Variants in DAAM1 observed in about 807,000 individuals in gnomAD.
DAAM1 encodes dishevelled associated activator of morphogenesis 1, also known as disheveled-associated activator of morphogenesis 1.
DAAM1 carries 52 observed loss-of-function variants against 130.0 expected under a neutral mutation model. That is an observed-to-expected ratio of 0.40 (90% CI 0.32 to 0.50). The LOEUF is 0.50. DAAM1 is among the 20% of genes least tolerant of loss of function. DAAM1 has a pLI of 0.61. For missense variants in DAAM1, 1,134 were observed against 1,303.8 expected (o/e 0.87, Z 2.01); for synonymous variants, 452 against 444.5 (o/e 1.02, Z -0.21).
At chr14:59,329,615 A>G (rs1241852644) in intron 12 of DAAM1, among the ~76,000 whole-genome samples, 2 of 152,200 alleles carry the variant, frequency 1.3e-5, no homozygotes, top group East Asian at 3.8e-4. Context: ...AAGAATAGGA[A>G]TTGGGGACAT....
At chr14:59,206,290 T>A (rs112315098) in intron 1 of DAAM1, among the ~76,000 whole-genome samples, 17 of 152,254 alleles carry the variant, frequency 1.1e-4, no homozygotes, top group Admixed American at 9.8e-4. Flanking sequence ...ATTTTATTTT[T>A]TTTGAGACGG....
At chr14:59,253,940 C>T (rs1238145264) in intron 1 of DAAM1, among the ~76,000 whole-genome samples, 1 of 152,214 alleles carries the variant, frequency 6.6e-6, no homozygotes, top group Non-Finnish European at 1.5e-5. Context: ...TCGCATCTCT[C>T]AAAATTTGCC....
chr14:59,281,390 G>A (rs1566682496), intron 2 of DAAM1, among the ~76,000 whole-genome samples: 2 of 152,132 alleles, frequency 1.3e-5, no homozygotes, highest in African/African-American at 2.4e-5. Flanking sequence ...AAGGCAGGAC[G>A]CTTTGTGCCC....
chr14:59,279,217 C>T (rs1188865898), intron 2 of DAAM1, among the ~76,000 whole-genome samples: 1 of 152,144 alleles, frequency 6.6e-6, no homozygotes, highest in Non-Finnish European at 1.5e-5. Flanking sequence ...TCATCCCTGC[C>T]CTTGCCTCTA....
Position 59,324,976 on chromosome 14 carries a change from C to T in DAAM1, c.989+522C>T, listed in dbSNP as rs117400064. On this transcript the variant is annotated intron_variant, in intron 8 of 24. Coordinates refer to ENST00000360909, the MANE Select transcript of DAAM1 (RefSeq NM_001270520.2). ...TTGCTTTCAGAGCTTTTCTCTACCACGGCTCTCCTCTCCTGTATATTCATA... is the reference window on the plus strand; with the variant it reads ...TTGCTTTCAGAGCTTTTCTCTACCATGGCTCTCCTCTCCTGTATATTCATA... 6.6e-5 allele frequency among the ~76,000 whole-genome samples: 10 copies of T among 152,288 alleles called. No individual in the cohort carries two copies. In the East Asian group the frequency reaches 1.5e-3, roughly 24 times the overall value.
At chr14:59,289,757 A>T (rs1317895409) in intron 2 of DAAM1, among the ~76,000 whole-genome samples, 4 of 44,344 alleles carry the variant, frequency 9.0e-5, no homozygotes, top group Non-Finnish European at 1.8e-4. Context: ...GGACTGGATC[A>T]ACAAAATGTG....
intron 3 of DAAM1, among the ~76,000 whole-genome samples, chr14:59,301,262 A>C (rs1168333989): frequency 2.6e-5 from 4 of 152,196 alleles, no homozygotes; most frequent in African/African-American, 9.6e-5. Context: ...CTCAAGGTTT[A>C]GAAAATGAAA....
intron 1 of DAAM1, among the ~76,000 whole-genome samples, chr14:59,193,567 G>A (rs1887797575): frequency 6.6e-6 from 1 of 152,192 alleles, no homozygotes; most frequent in African/African-American, 2.4e-5. Context: ...CATAGAACAT[G>A]TGTCTAAAAA....
intron 2 of DAAM1, among the ~76,000 whole-genome samples, chr14:59,277,994 A>G (rs1273572846): frequency 1.3e-5 from 2 of 152,142 alleles, no homozygotes; most frequent in Admixed American, 1.3e-4. Flanking sequence ...TTTCCTATAC[A>G]TATATATCTA....
At position 59,345,322 on chromosome 14, in the gene DAAM1, G is replaced by C. The variant is rs776079916; in HGVS notation, c.2076-2217G>C. ...CATCTGAAGAAGTCTGCCAGGACAA[G>C]GGCTGCTGTAACGGCGTAGGGGTTA... On this transcript the variant is annotated intron_variant, in intron 16 of 24. Coordinates refer to ENST00000360909, the MANE Select transcript of DAAM1 (RefSeq NM_001270520.2). 9.9e-5 allele frequency among the ~76,000 whole-genome samples: 15 copies of C among 152,198 alleles called. 1 individual carries two copies. The highest frequency in any genetic ancestry group is 2.1e-4 in the South Asian group (1 of 4,826).
intron 1 of DAAM1, among the ~76,000 whole-genome samples, chr14:59,259,811 G>A (rs950982791): frequency 2.6e-5 from 4 of 152,190 alleles, no homozygotes; most frequent in East Asian, 1.9e-4. Flanking sequence ...TTGGGAGGCC[G>A]AGGCAGGCAG....
intron 1 of DAAM1, among the ~76,000 whole-genome samples, chr14:59,220,345 CTA>C (rs992745058): frequency 6.6e-6 from 1 of 152,090 alleles, no homozygotes; most frequent in Non-Finnish European, 1.5e-5. Context: ...CAAACATGCT[CTA>C]TGTTTGCTGA....
In DAAM1 at chr14:59,340,112, A is replaced by G. The variant is rs752228926; in HGVS notation, c.2007A>G (p.Lys669=). The change falls in exon 16 of 25, where the codon AAA becomes AAG. Residue 669 remains lysine (K), a synonymous_variant. Transcript: ENST00000360909. Reference sequence around the variant, plus strand: ...CCATTGATGACACTCTGAGTTCCAAACTTAAAGTTAAAGAGCTTTCGGTGA... The same window carrying G: ...CCATTGATGACACTCTGAGTTCCAAGCTTAAAGTTAAAGAGCTTTCGGTGA... ...ADAIDDTLSS[K]LKVKELSVID... is the part of the protein sequence containing the mutation. The G allele has an allele frequency of 6.2e-7, 1 of 1,613,736 alleles. No homozygotes were observed. The highest frequency in any genetic ancestry group is 8.5e-7 in the Non-Finnish European group (1 of 1,179,740).
chr14:59,365,227 A>T (rs764717533), intron 23 of DAAM1, among the ~76,000 whole-genome samples: 4 of 152,104 alleles, frequency 2.6e-5, no homozygotes, highest in Admixed American at 1.3e-4. Flanking sequence ...TTTTCTTTAG[A>T]TTTCTAAGAT....
At chr14:59,295,794 A>G (rs1883935659) in intron 3 of DAAM1, among the ~76,000 whole-genome samples, 1 of 152,220 alleles carries the variant, frequency 6.6e-6, no homozygotes, top group African/African-American at 2.4e-5. Flanking sequence ...GAAAAGGGGT[A>G]AACTGGGAAG....
At chr14:59,348,513 C>A (rs969755866) in intron 17 of DAAM1, among the ~76,000 whole-genome samples, 4 of 152,132 alleles carry the variant, frequency 2.6e-5, no homozygotes, top group Non-Finnish European at 4.4e-5. Context: ...CCTTCTGTCT[C>A]ATTGTTTTGG....
At chr14:59,236,245 T>C (rs1049300427) in intron 1 of DAAM1, among the ~76,000 whole-genome samples, 1 of 152,112 alleles carries the variant, frequency 6.6e-6, no homozygotes, top group Non-Finnish European at 1.5e-5. Flanking sequence ...GTAGAATGAC[T>C]AGTTTTCTAT....
intron 9 of DAAM1, 56 bp from the exon 10 acceptor site, chr14:59,325,904 C>G: frequency 6.4e-7 from 1 of 1,563,702 alleles, no homozygotes; most frequent in East Asian, 2.2e-5. Context: ...TTACTTTACA[C>G]TGGGGAAACT....
At chr14:59,349,174 G>A (rs1356476222) in intron 17 of DAAM1, among the ~76,000 whole-genome samples, 1 of 152,230 alleles carries the variant, frequency 6.6e-6, no homozygotes. Context: ...TCGAGTTGCT[G>A]CACCCAATGT....
Sources: allele counts gnomAD v4.1 joint callset (sites outside exome capture counted in the v4.1 genomes callset), GRCh38; gene constraint gnomAD v4.1.1; transcripts MANE v1.5; gene names NCBI Gene and HGNC (gene_info 2026-07-23, HGNC 2026-07-21).